Variants in CREB5 observed in about 807,000 individuals in gnomAD.
The protein encoded by CREB5 is cyclic AMP-responsive element-binding protein 5.
Under a neutral mutation model 57.1 loss-of-function variants are expected in CREB5, and 19 were observed. The observed-to-expected ratio is 0.33, with a 90% confidence interval of 0.23 to 0.49. CREB5 has a LOEUF of 0.49. CREB5 is among the 20% of genes least tolerant of loss of function. The probability of loss-of-function intolerance (pLI) is 0.99; values close to 1 mark genes in which losing one functional copy is unlikely to be tolerated. For synonymous variants in CREB5, 238 were observed against 238.3 expected, an observed-to-expected ratio of 1.00 and a Z score of 0.01; for missense variants, 579 against 671.6, an observed-to-expected ratio of 0.86 and a Z score of 1.52.
intron 1 of CREB5, among the ~76,000 whole-genome samples, chr7:28,431,981 CCTTTTTTTTTTTTTTTTTG>C (rs1788733055): frequency 7.2e-6 from 1 of 137,932 alleles, no homozygotes; most frequent in Admixed American, 7.1e-5. Context: ...AACAGCTATG[CCTTTTTTTTTTTTTTTTTG>C]CTTTTTTTTG....
chr7:28,478,063 C>T (rs1413573214), intron 1 of CREB5, among the ~76,000 whole-genome samples: 2 of 152,162 alleles, frequency 1.3e-5, no homozygotes, highest in Non-Finnish European at 2.9e-5. Context: ...CCACAGTGAG[C>T]TGTGATCACT....
chr7:28,715,432 G>T (rs1802633033), intron 5 of CREB5, among the ~76,000 whole-genome samples: 1 of 152,162 alleles, frequency 6.6e-6, no homozygotes, highest in Non-Finnish European at 1.5e-5. Context: ...TTAAAAATAT[G>T]AAGTATTATT....
chr7:28,573,585 C>T (rs1583650460), intron 5 of CREB5, among the ~76,000 whole-genome samples: 1 of 152,224 alleles, frequency 6.6e-6, no homozygotes, highest in Non-Finnish European at 1.5e-5. Flanking sequence ...CTTCCCTTCC[C>T]TTCTATCAGT....
chr7:28,696,771 CAT>C (rs905772165), intron 5 of CREB5, among the ~76,000 whole-genome samples: 7 of 151,266 alleles, frequency 4.6e-5, no homozygotes, highest in African/African-American at 7.3e-5. Flanking sequence ...CACACATATA[CAT>C]ATATATACAC....
In CREB5 at chr7:28,802,234, T is replaced by C. The variant is rs553451055; in HGVS notation, c.703-1965T>C. ...CATGAAAGAGGTGAGAAGTAGACTA[T>C]GTGGCTACCGAATCGGGATGACAAA... On this transcript the variant is annotated intron_variant, in intron 7 of 10. Coordinates refer to ENST00000357727, the MANE Select transcript of CREB5 (RefSeq NM_182898.4). Among the ~76,000 whole-genome samples the C allele has an allele frequency of 3.9e-5, 6 of 152,282 alleles. No homozygotes were observed. In the East Asian group the frequency reaches 1.2e-3, roughly 29 times the overall value.
intron 4 of CREB5, among the ~76,000 whole-genome samples, chr7:28,514,078 A>AT: frequency 6.6e-6 from 1 of 152,184 alleles, no homozygotes; most frequent in East Asian, 1.9e-4. Flanking sequence ...ATGGTGACAG[A>AT]TATTTGTTCA....
chr7:28,592,329 T>G (rs1353826708), intron 5 of CREB5, among the ~76,000 whole-genome samples: 1 of 152,216 alleles, frequency 6.6e-6, no homozygotes, highest in Non-Finnish European at 1.5e-5. Flanking sequence ...AACATAATTT[T>G]TGTCTTGCAA....
chr7:28,484,740 A>G (rs1422940921), intron 1 of CREB5, among the ~76,000 whole-genome samples: 3 of 152,212 alleles, frequency 2.0e-5, no homozygotes, highest in African/African-American at 7.2e-5. Context: ...CCTATCAATG[A>G]CTAAACTCTA....
chr7:28,456,245 T>C (rs73075853), intron 1 of CREB5, among the ~76,000 whole-genome samples: 2 of 152,010 alleles, frequency 1.3e-5, no homozygotes, highest in South Asian at 4.2e-4. Flanking sequence ...GATTGATTTT[T>C]CCCCCAAAGA....
upstream of CREB5, among the ~76,000 whole-genome samples, chr7:28,412,355 T>C (rs1457826864): frequency 6.6e-6 from 1 of 152,232 alleles, no homozygotes; most frequent in Non-Finnish European, 1.5e-5. Flanking sequence ...ATTGGACCTT[T>C]AGAGCAGCTG....
At chr7:28,464,004 T>G (rs1174136882) in intron 1 of CREB5, among the ~76,000 whole-genome samples, 1 of 152,224 alleles carries the variant, frequency 6.6e-6, no homozygotes. Flanking sequence ...TGAACCTAAG[T>G]GTAAAACATT....
At position 28,732,720 on chromosome 7, in the gene CREB5, C is replaced by CTTTTTTTT. The variant is rs35952532; in HGVS notation, c.702+8397_702+8404dup. 3.0e-5 allele frequency among the ~76,000 whole-genome samples: 4 copies of CTTTTTTTT among 131,914 alleles called. 1 individual carries two copies. The highest frequency in any genetic ancestry group is 6.4e-5 in the Non-Finnish European group (4 of 62,158). The allele number at this position is 131,914 out of a possible 152,430, so 86.5% of individuals were successfully genotyped here. ...ACTTTGGGATGATGACTCTGTCTTG[C>CTTTTTTTT]TTTTTTTTTTTTTTTTGTGGGAAGC... On this transcript the variant is annotated intron_variant, in intron 7 of 10. Coordinates refer to ENST00000357727, the MANE Select transcript of CREB5 (RefSeq NM_182898.4).
intron 5 of CREB5, among the ~76,000 whole-genome samples, chr7:28,613,892 T>C (rs184144280): frequency 8.8e-4 from 134 of 152,288 alleles, no homozygotes; most frequent in Middle Eastern, 3.4e-3. Context: ...GTTGGAACAT[T>C]TAGATCAGCT....
chr7:28,704,624 T>C (rs1353958417), intron 5 of CREB5, among the ~76,000 whole-genome samples: 1 of 152,114 alleles, frequency 6.6e-6, no homozygotes, highest in East Asian at 1.9e-4. Context: ...GCCTGGCTCA[T>C]TTTTAAATTT....
chr7:28,700,737 A>G (rs1196888421), intron 5 of CREB5, among the ~76,000 whole-genome samples: 1 of 152,094 alleles, frequency 6.6e-6, no homozygotes, highest in Non-Finnish European at 1.5e-5. Flanking sequence ...GTTTATCTTG[A>G]TGGCCTTATT....
intron 4 of CREB5, among the ~76,000 whole-genome samples, chr7:28,551,842 T>TTTC (rs1491217208): frequency 5.7e-5 from 7 of 122,298 alleles, no homozygotes; most frequent in Non-Finnish European, 1.2e-4. Flanking sequence ...TCTTTCTTTC[T>TTTC]TTTTCTTTCT....
At chr7:28,679,497 G>C (rs771364220) in intron 5 of CREB5, among the ~76,000 whole-genome samples, 3 of 152,146 alleles carry the variant, frequency 2.0e-5, no homozygotes, top group African/African-American at 7.2e-5. Context: ...GGGAGGGGAC[G>C]AAGACCAGGT....
chr7:28,809,225 A>T lies in CREB5; in HGVS notation c.1065A>T (p.Thr355=). 1.2e-6 allele frequency: 2 copies of T among 1,614,044 alleles called. No individual in the cohort carries two copies. The highest frequency in any genetic ancestry group is 1.7e-6 in the Non-Finnish European group (2 of 1,179,970). ...PATQQMQPTQ[T]IQPPQPTGGR... Reference sequence around the variant, plus strand: ...CACAACAGATGCAGCCAACCCAGACAATACAGCCACCCCAGCCCACAGGGG... The same window carrying T: ...CACAACAGATGCAGCCAACCCAGACTATACAGCCACCCCAGCCCACAGGGG... The change falls in exon 9 of 11, where the codon ACA becomes ACT. Residue 355 remains threonine (T), a synonymous_variant. Coordinates refer to ENST00000357727, the MANE Select transcript of CREB5 (RefSeq NM_182898.4).
At chr7:28,404,861 A>G (rs1787544717) in intron 1 of CREB5, among the ~76,000 whole-genome samples, 3 of 152,300 alleles carry the variant, frequency 2.0e-5, no homozygotes, top group South Asian at 2.1e-4. Flanking sequence ...CTACCAAAGT[A>G]TGGGGTGCCT....
Sources: gnomAD v4.1 joint callset for allele counts (sites outside exome capture counted in the v4.1 genomes callset) on GRCh38, gnomAD v4.1.1 for gene constraint, MANE v1.5 for transcripts, NCBI Gene and HGNC (gene_info 2026-07-23, HGNC 2026-07-21) for gene names.